Variants in C20orf96 observed in about 807,000 individuals in gnomAD.
C20orf96 encodes chromosome 20 open reading frame 96.
In C20orf96, 57 loss-of-function variants were observed where a neutral mutation model predicts 52.6. The ratio of observed to expected loss-of-function variants is 1.08; its 90% CI spans 0.88 to 1.35. The LOEUF is 1.35. C20orf96 is among the 40% of genes most tolerant of loss of function. The pLI is 0.00. For synonymous variants in C20orf96, 168 were observed against 157.2 expected (o/e 1.07, Z -0.51); for missense variants, 478 against 443.6 (o/e 1.08, Z -0.70).
At chr20:284,173 G>C in intron 3 of C20orf96, 92 bp from the exon 4 acceptor site, 113 of 861,570 alleles carry the variant, frequency 1.3e-4, no homozygotes, top group Non-Finnish European at 2.0e-4. Flanking sequence ...TGAGAGGAGG[G>C]CCAGACCCCA....
chr20:276,555 G>A, intron 9 of C20orf96: 1 of 985,446 alleles, frequency 1.0e-6, no homozygotes, highest in Non-Finnish European at 1.2e-6. Context: ...GGTGATGGTT[G>A]TAAATGGGTC....
chr20:276,208 G>A, intron 9 of C20orf96, 122 bp from the exon 10 acceptor site: 1 of 1,547,316 alleles, frequency 6.5e-7, no homozygotes, highest in Non-Finnish European at 8.7e-7. Context: ...CTGTCACTGG[G>A]ACTTGCTGGA....
At chr20:273,907 G>GAGGGAGGGAGGA (rs2011923969) in intron 10 of C20orf96, among the ~76,000 whole-genome samples, 1 of 47,214 alleles carries the variant, frequency 2.1e-5, no homozygotes, top group Non-Finnish European at 4.1e-5. Flanking sequence ...GGAAGGAAGG[G>GAGGGAGGGAGGA]AGGGAGGGAG....
chr20:290,404 C>T (rs998827944), intron 1 of C20orf96, 97 bp from the exon 2 acceptor site: 2 of 1,563,228 alleles, frequency 1.3e-6, no homozygotes, highest in African/African-American at 2.7e-5. Context: ...GAACCAGAAA[C>T]TGCAGTTTAC....
At chr20:272,117 A>G (rs79154371) in intron 10 of C20orf96, among the ~76,000 whole-genome samples, 1 of 72,360 alleles carries the variant, frequency 1.4e-5, no homozygotes, top group Admixed American at 1.2e-4. Context: ...AAAAAAAAAA[A>G]ATTTCTAAAT....
At chr20:288,478 G>A (rs1188835758) in intron 3 of C20orf96, among the ~76,000 whole-genome samples, 1 of 152,056 alleles carries the variant, frequency 6.6e-6, no homozygotes, top group African/African-American at 2.4e-5. Flanking sequence ...TCTCTCTCTA[G>A]GGTAGTGTCA....
chr20:290,388 A>C (rs1321551344), intron 1 of C20orf96, 81 bp from the exon 2 acceptor site: 1 of 1,577,384 alleles, frequency 6.3e-7, no homozygotes, highest in East Asian at 2.3e-5. Context: ...ACAGGATTGG[A>C]GTCTCGAACC....
intron 1 of C20orf96, 90 bp downstream of exon 1, chr20:290,501 C>A: frequency 1.3e-6 from 2 of 1,569,214 alleles, no homozygotes; most frequent in South Asian, 1.1e-5. Flanking sequence ...AGGGCGACCT[C>A]GAGGCGAGGG....
At chr20:285,223 C>A (rs1436031066) in intron 3 of C20orf96, among the ~76,000 whole-genome samples, 2 of 152,188 alleles carry the variant, frequency 1.3e-5, no homozygotes, top group East Asian at 1.9e-4. Context: ...GATAAGAGTA[C>A]AGGCATTTGG....
intron 3 of C20orf96, among the ~76,000 whole-genome samples, 177 bp downstream of exon 3, chr20:289,382 C>G (rs534330269): frequency 1.9e-4 from 29 of 152,312 alleles, no homozygotes; most frequent in African/African-American, 6.5e-4. Context: ...TTCCTCAGAT[C>G]CACAAATGTA....
At chr20:271,949 T>G (rs2011853863) in intron 10 of C20orf96, among the ~76,000 whole-genome samples, 1 of 152,192 alleles carries the variant, frequency 6.6e-6, no homozygotes, top group African/African-American at 2.4e-5. Context: ...GGCTGAAGGA[T>G]TACATTCTGT....
rs200608266 is a variant in C20orf96, at chr20:277,167, T to C, written c.724-22A>G. 5.8e-5 allele frequency: 93 copies of C among 1,613,670 alleles called. 1 individual carries two copies. In the East Asian group the frequency reaches 1.8e-3, roughly 31 times the overall value. ...CATCCTGGGAGCCAGCAGAAGGGTG[T>C]TGGTCACCAGTCCTGCCTCCCACAC... On this transcript the variant is annotated intron_variant, in intron 7 of 10. Transcript: ENST00000360321.
At chr20:278,274 C>T in intron 6 of C20orf96, 56 bp downstream of exon 6, 1 of 1,295,026 alleles carries the variant, frequency 7.7e-7, no homozygotes, top group Non-Finnish European at 1.1e-6. Flanking sequence ...TGCTCTGCTG[C>T]TGACCTCCCC....
At chr20:279,474 G>A in intron 4 of C20orf96, 144 bp from the exon 5 acceptor site, 1 of 925,296 alleles carries the variant, frequency 1.1e-6, no homozygotes, top group South Asian at 1.9e-5. Context: ...CAAGCTGGGC[G>A]GTTCCCCATT....
rs760062648 is a variant in C20orf96 at position 277,068 on chromosome 20, TTTC to T, written c.798_800del (p.Lys268del). Reference sequence around the variant, plus strand: ...CCGCCACCACAGAACTCAGAATTTTTTTCTTCTTCTTCTGAATCTTGTCAGACA... The same window carrying T: ...CCGCCACCACAGAACTCAGAATTTTTTTCTTCTTCTGAATCTTGTCAGACA... On this transcript the variant is annotated inframe_deletion, in exon 8 of 11. Transcript: ENST00000360321. 37 of 1,613,360 alleles carry T rather than the reference TTTC, an allele frequency of 2.3e-5. 1 individual carries two copies. The highest frequency in any genetic ancestry group is 6.7e-5 in the Admixed American group (4 of 59,980).
Position 290,687 on chromosome 20 carries a change from C to T in C20orf96, c.-77G>A, listed in dbSNP as rs1337209033. 1 of 1,580,056 alleles carries T rather than the reference C, an allele frequency of 6.3e-7. No individual in the cohort carries two copies. The highest frequency in any genetic ancestry group is 1.1e-5 in the South Asian group (1 of 89,592). On this transcript the variant is annotated 5_prime_UTR_variant, in exon 1 of 11. Transcript: ENST00000360321. ...ATAACTACTCGGCTTTTCCAACTTC[C>T]TTGTCTCAGTGTAGATCGCGCGGTA... is the stretch of plus-strand genomic sequence containing the variant.
At chr20:271,879 G>C (rs966409166) in intron 10 of C20orf96, among the ~76,000 whole-genome samples, 1 of 152,166 alleles carries the variant, frequency 6.6e-6, no homozygotes, top group Non-Finnish European at 1.5e-5. Flanking sequence ...AGTAGCAAGA[G>C]AGATGGATTC....
At chr20:276,222 C>G (rs2122243213) in intron 9 of C20orf96, 136 bp from the exon 10 acceptor site, 1 of 1,526,128 alleles carries the variant, frequency 6.6e-7, no homozygotes, top group Non-Finnish European at 8.8e-7. Flanking sequence ...TGCTGGACTC[C>G]AGGGAGGGGA....
chr20:273,207 T>C (rs1460760831), intron 10 of C20orf96, among the ~76,000 whole-genome samples: 1 of 152,192 alleles, frequency 6.6e-6, no homozygotes, highest in African/African-American at 2.4e-5. Flanking sequence ...ACTCCTGGGC[T>C]CAAGCAATCC....
Sources: allele counts gnomAD v4.1 joint callset (sites outside exome capture counted in the v4.1 genomes callset), GRCh38; gene constraint gnomAD v4.1.1; transcripts MANE v1.5; gene names NCBI Gene and HGNC (gene_info 2026-07-23, HGNC 2026-07-21).